C2orf68: variants seen among roughly 807,000 people sequenced by gnomAD.
C2orf68 encodes chromosome 2 open reading frame 68.
Under a neutral mutation model 19.1 loss-of-function variants are expected in C2orf68, and 15 were observed. The observed-to-expected ratio is 0.79, with a 90% CI of 0.53 to 1.21. The LOEUF is 1.21. Ranked by LOEUF, C2orf68 falls within the 50% of genes most tolerant of loss-of-function variation. C2orf68 has a pLI of 0.00. For missense variants in C2orf68, 242 were observed against 226.6 expected (o/e 1.07, Z -0.44); for synonymous variants, 98 against 91.0 (o/e 1.08, Z -0.44).
Position 85,612,048 on chromosome 2 carries a change from G to A in C2orf68, c.-64C>T, listed in dbSNP as rs1673587493. On this transcript the variant is annotated 5_prime_UTR_variant, in exon 1 of 4. Coordinates refer to ENST00000306336, the MANE Select transcript of C2orf68 (RefSeq NM_001013649.4). ...CCCCAACAACAGCCACCCGCCCACA[G>A]AGCTCCGCGCCGCCCCTTGCTCAGC... 11 of 1,235,432 alleles carry A rather than the reference G, an allele frequency of 8.9e-6. No homozygotes were observed. The highest frequency in any genetic ancestry group is 6.2e-5 in the African/African-American group (4 of 64,522). The allele number at this position is 1,235,432 out of a possible 1,614,324, so 76.5% of individuals were successfully genotyped here.
At chr2:85,611,232 A>C (rs1673499400) in intron 2 of C2orf68, 1 of 1,309,570 alleles carries the variant, frequency 7.6e-7, no homozygotes, top group South Asian at 1.9e-5. Flanking sequence ...TTTTAAAAAA[A>C]GTAATAATGC....
chr2:85,611,209 TAAAATAAAAACATTTTAAAAAAAG>T, intron 2 of C2orf68: 1 of 1,216,178 alleles, frequency 8.2e-7, no homozygotes, highest in Non-Finnish European at 1.0e-6. Context: ...GTCTCAAAAA[TAAAATAAAAACATTTTAAAAAAAG>T]TAATAATGCT....
Position 85,608,855 on chromosome 2 carries a change from A to T in C2orf68, c.*90T>A. ...GCTCTGGGGGTCTCAAGATCAGACAAACTGGTCCTGGTACCCCCACACTAA... is the reference window on the plus strand; with the variant it reads ...GCTCTGGGGGTCTCAAGATCAGACATACTGGTCCTGGTACCCCCACACTAA... On this transcript the variant is annotated 3_prime_UTR_variant, in exon 4 of 4. Transcript: ENST00000306336. 1 of 1,555,832 alleles carries T rather than the reference A, an allele frequency of 6.4e-7. No homozygotes were observed. The highest frequency in any genetic ancestry group is 1.2e-5 in the South Asian group (1 of 82,450).
rs1673295967 is a variant in C2orf68 at position 85,608,426 on chromosome 2, A to AG, written c.*518dup. The AG allele has an allele frequency of 6.6e-6, 1 of 152,276 alleles. No homozygotes were observed. Among genetic ancestry groups the AG allele is most frequent in the African/African-American group, 2.4e-5 (1 of 41,414 alleles). 9.4% of individuals were successfully genotyped at this position (152,276 alleles called of 1,614,324 possible). A position where few individuals can be genotyped will look rare whatever the true frequency, so the allele number is the denominator to read the frequency against. On this transcript the variant is annotated 3_prime_UTR_variant, in exon 4 of 4. Transcript: ENST00000306336. ...CAGCTGGAGGTACACAGTCATTTGG[A>AG]GGGGGAGGAAAACTGATGGATTCTA...
chr2:85,609,024 G>GT lies in C2orf68; in HGVS notation c.421dup (p.Thr141AsnfsTer50). ...TTCTCGCATGGGTGGATCCAGAGGC[G>GT]TGTGTGCCGACACCTTCTCACTCAC... On this transcript the variant is annotated frameshift_variant, in exon 4 of 4. Coordinates refer to ENST00000306336, the MANE Select transcript of C2orf68 (RefSeq NM_001013649.4). LOFTEE classifies it high-confidence loss of function. 1 of 1,614,214 alleles carries GT rather than the reference G, an allele frequency of 6.2e-7. No homozygotes were observed. Among genetic ancestry groups the GT allele is most frequent in the South Asian group, 1.1e-5 (1 of 91,090 alleles).
intron 2 of C2orf68, 34 bp downstream of exon 2, chr2:85,611,634 G>C: frequency 6.4e-7 from 1 of 1,564,440 alleles, no homozygotes; most frequent in African/African-American, 1.3e-5. Context: ...GGAAGAGCGC[G>C]CGGGCTGGAG....
At position 85,611,800 on chromosome 2, in the gene C2orf68, A is replaced by G; in HGVS notation, c.108-14T>C. ...TCATAGTCGTCCCTGCGGGGAGCCG[A>G]GCGGGAGTCAGGGACTGTCGGGCCG... is the stretch of plus-strand genomic sequence containing the variant. On this transcript the variant is annotated splice_polypyrimidine_tract_variant and intron_variant, in intron 1 of 3. Coordinates refer to ENST00000306336, the MANE Select transcript of C2orf68 (RefSeq NM_001013649.4). 6.2e-7 allele frequency: 1 copy of G among 1,609,996 alleles called. No homozygotes were observed. The highest frequency in any genetic ancestry group is 8.5e-7 in the Non-Finnish European group (1 of 1,179,414).
At position 85,612,014 on chromosome 2, in the gene C2orf68, CCTCG is replaced by C. The variant is rs775718792; in HGVS notation, c.-34_-31del. 3.2e-5 allele frequency: 46 copies of C among 1,436,472 alleles called. No homozygotes were observed. Among genetic ancestry groups the C allele is most frequent in the Admixed American group, 1.6e-4 (6 of 38,056 alleles). 89.0% of individuals were successfully genotyped at this position (1,436,472 alleles called of 1,614,324 possible). On this transcript the variant is annotated 5_prime_UTR_variant, in exon 1 of 4. Transcript: ENST00000306336. Reference sequence around the variant, plus strand: ...AGCCGGGGACGCAGAGTCGCCGCCGCCTCGACGGCCCCAACAACAGCCACCCGCC... The same window carrying C: ...AGCCGGGGACGCAGAGTCGCCGCCGCACGGCCCCAACAACAGCCACCCGCC...
intron 3 of C2orf68, among the ~76,000 whole-genome samples, 157 bp from the exon 4 acceptor site, chr2:85,609,224 T>C (rs1021660054): frequency 6.6e-6 from 1 of 152,202 alleles, no homozygotes; most frequent in Non-Finnish European, 1.5e-5. Flanking sequence ...GATTCTCCAC[T>C]GGGGGCCAAG....
chr2:85,609,955 A>ACAGG (rs1673401350), intron 2 of C2orf68, among the ~76,000 whole-genome samples: 1 of 151,130 alleles, frequency 6.6e-6, no homozygotes, highest in Admixed American at 6.6e-5. Context: ...TGCTGGGATT[A>ACAGG]CAGGCGTGAG....
In C2orf68 at chr2:85,611,322, T is replaced by C. The variant is rs996385575; in HGVS notation, c.226+346A>G. 1.4e-5 allele frequency: 20 copies of C among 1,427,112 alleles called. No individual in the cohort carries two copies. The African/African-American group carries it at 2.9e-4, about 21-fold the overall frequency. 88.4% of individuals were successfully genotyped at this position (1,427,112 alleles called of 1,614,324 possible). A position where few individuals can be genotyped will look rare whatever the true frequency, so the allele number is the denominator to read the frequency against. On this transcript the variant is annotated intron_variant, in intron 2 of 3. Transcript: ENST00000306336. The stretch of plus-strand genomic sequence containing the variant: ...AGCTGGGGAAAGGCCATTTACTGGG[T>C]TCATTCCGCAATTATGTGCTGGTCG...
intron 2 of C2orf68, 48 bp downstream of exon 2, chr2:85,611,620 T>C (rs2104166715): frequency 6.4e-7 from 1 of 1,560,204 alleles, no homozygotes; most frequent in South Asian, 1.2e-5. Flanking sequence ...GGGAGTGCGT[T>C]GCAGGAAGAG....
chr2:85,610,163 T>C (rs1182802704), intron 2 of C2orf68: 1 of 152,138 alleles, frequency 6.6e-6, no homozygotes, highest in Non-Finnish European at 1.5e-5. Context: ...TACAGCCGCC[T>C]GCCATCATGC....
Position 85,609,554 on chromosome 2 carries a change from CAT to C in C2orf68, c.257_258del (p.Tyr86Ter), listed in dbSNP as rs1426604069. 1 of 1,614,218 alleles carries C rather than the reference CAT, an allele frequency of 6.2e-7. No homozygotes were observed. Among genetic ancestry groups the C allele is most frequent in the Non-Finnish European group, 8.5e-7 (1 of 1,180,052 alleles). ...CTACTGCTGCTTTCACCGGACTCTT[CAT>C]AGTCTGGGTTGCGTGGGTGGGCAGA... is the stretch of plus-strand genomic sequence containing the variant. The part of the protein sequence containing the change: ...DVSAHPRNPD[Y>X]EESGESSSSG... On this transcript the variant is annotated frameshift_variant, in exon 3 of 4. Transcript: ENST00000306336. LOFTEE classifies it high-confidence loss of function.
chr2:85,611,580 A>T (rs1284350870), intron 2 of C2orf68, 88 bp downstream of exon 2: 3 of 1,551,286 alleles, frequency 1.9e-6, no homozygotes, highest in Non-Finnish European at 2.6e-6. Context: ...GAACCTTAGG[A>T]GTAAGAAGTG....
chr2:85,611,321 G>A, intron 2 of C2orf68: 1 of 1,427,560 alleles, frequency 7.0e-7, no homozygotes, highest in South Asian at 1.5e-5. Context: ...CATTTACTGG[G>A]TTCATTCCGC....
chr2:85,611,693 C>A lies in C2orf68; in HGVS notation c.201G>T (p.Leu67=), dbSNP rs1319379859. 1 of 1,578,562 alleles carries A rather than the reference C, an allele frequency of 6.3e-7. No homozygotes were observed. The highest frequency in any genetic ancestry group is 8.6e-7 in the Non-Finnish European group (1 of 1,163,356). ...CTCGGTGTCGCGGCAGGTACACCTG[C>A]AGGTCTGGCTTGCGGGGCCGCGTCG... ...PAPTRPRKPD[L]QVYLPRHRDV... Residue 67 remains leucine, a synonymous_variant, in exon 2 of 4, where the codon CTG becomes CTT. Transcript: ENST00000306336.
rs145110712 is a variant in C2orf68 at position 85,611,365 on chromosome 2, C to T, written c.226+303G>A. On this transcript the variant is annotated intron_variant, in intron 2 of 3. Transcript: ENST00000306336. ...GCTGGTCGCTCATCGCTGTGCCAGA[C>T]TTTCTCTTTGCTAGGTAGCGGAGCA... is the stretch of plus-strand genomic sequence containing the variant. The T allele has an allele frequency of 1.7e-5, 25 of 1,446,392 alleles. No individual in the cohort carries two copies. The East Asian group carries it at 6.0e-4, about 35-fold the overall frequency. The allele number at this position is 1,446,392 out of a possible 1,614,324, so 89.6% of individuals were successfully genotyped here.
rs1295306937 is a variant in C2orf68 at position 85,607,057 on chromosome 2, C to T, written c.*1888G>A. ...CTCGGCCTCCCTACCTCTTCCTTTA[C>T]TTAATAAGAATGCGGTCTAAATTTT... is the stretch of plus-strand genomic sequence containing the variant. On this transcript the variant is annotated 3_prime_UTR_variant, in exon 4 of 4. Coordinates refer to ENST00000306336, the MANE Select transcript of C2orf68 (RefSeq NM_001013649.4). 6.6e-6 allele frequency: 1 copy of T among 152,126 alleles called. No homozygotes were observed. Among genetic ancestry groups the T allele is most frequent in the Non-Finnish European group, 1.5e-5 (1 of 68,044 alleles). The allele number at this position is 152,126 out of a possible 1,614,324, so 9.4% of individuals were successfully genotyped here. A position where few individuals can be genotyped will look rare whatever the true frequency, so the allele number is the denominator to read the frequency against.
Sources: allele counts gnomAD v4.1 joint callset (sites outside exome capture counted in the v4.1 genomes callset), GRCh38; gene constraint gnomAD v4.1.1; transcripts MANE v1.5; gene names NCBI Gene and HGNC (gene_info 2026-07-23, HGNC 2026-07-21).